The following PRKN variants were observed in gnomAD, a reference collection of about 807,000 sequenced individuals.
PRKN encodes parkin RBR E3 ubiquitin protein ligase, also known as E3 ubiquitin-protein ligase parkin.
Under a neutral mutation model 59.5 loss-of-function variants are expected in PRKN, and 56 were observed. The observed-to-expected ratio is 0.94, with a 90% CI of 0.76 to 1.18. The LOEUF (loss-of-function observed/expected upper bound fraction) is 1.18, where lower values mean the gene tolerates loss of function less well. Among genes scored for constraint, PRKN ranks in the 50% most tolerant of loss-of-function variants. The probability of loss-of-function intolerance (pLI) is 0.00; values close to 1 mark genes in which losing one functional copy is unlikely to be tolerated. For missense variants in PRKN, 657 were observed against 596.4 expected, an observed-to-expected ratio of 1.10 and a Z score of -1.06; for synonymous variants, 250 against 222.1, an observed-to-expected ratio of 1.13 and a Z score of -1.12.
At chr6:162,432,707 T>TA (rs1789596852) in intron 2 of PRKN, among the ~76,000 whole-genome samples, 1 of 152,208 alleles carries the variant, frequency 6.6e-6, no homozygotes, top group South Asian at 2.1e-4. Context: ...GGCAAAAATA[T>TA]AACTATTTAA....
intron 2 of PRKN, among the ~76,000 whole-genome samples, chr6:162,423,473 T>C (rs145958602): frequency 6.6e-6 from 1 of 152,310 alleles, no homozygotes; most frequent in Non-Finnish European, 1.5e-5. Flanking sequence ...AGGTGCTATA[T>C]AACTCAGGGA....
intron 4 of PRKN, among the ~76,000 whole-genome samples, chr6:162,121,036 C>T (rs1304613028): frequency 6.6e-6 from 1 of 152,172 alleles, no homozygotes; most frequent in Non-Finnish European, 1.5e-5. Context: ...ACCTTTTGAT[C>T]AGGCAAATTA....
chr6:161,914,917 C>T (rs534444209), intron 6 of PRKN, among the ~76,000 whole-genome samples: 2 of 152,204 alleles, frequency 1.3e-5, no homozygotes, highest in Admixed American at 1.3e-4. Context: ...CTAGGCATTC[C>T]TAGACAGCCC....
chr6:161,648,638 C>A (rs893138507), intron 7 of PRKN, among the ~76,000 whole-genome samples: 5 of 152,222 alleles, frequency 3.3e-5, no homozygotes, highest in African/African-American at 9.6e-5. Flanking sequence ...AGGTGTAGTT[C>A]ATTCTCTGGA....
intron 2 of PRKN, among the ~76,000 whole-genome samples, chr6:162,429,899 C>T (rs572307715): frequency 1.9e-4 from 29 of 152,296 alleles, no homozygotes; most frequent in African/African-American, 6.7e-4. Flanking sequence ...TCATCCTCTT[C>T]CCGGTATCAC....
intron 2 of PRKN, among the ~76,000 whole-genome samples, chr6:162,311,455 T>C (rs564399235): frequency 1.8e-4 from 28 of 151,976 alleles, no homozygotes; most frequent in Admixed American, 1.6e-3. Context: ...TAATCTCAAC[T>C]TGTTTAAGTA....
At chr6:162,695,410 C>T (rs941965108) in intron 1 of PRKN, among the ~76,000 whole-genome samples, 1 of 151,966 alleles carries the variant, frequency 6.6e-6, no homozygotes, top group African/African-American at 2.4e-5. Context: ...ATTTAATATC[C>T]TATTATTCCT....
At position 161,397,656 on chromosome 6, in the gene PRKN, G is replaced by C. The variant is rs1562419945; in HGVS notation, c.1084-10779C>G. On this transcript the variant is annotated intron_variant, in intron 9 of 11. Transcript: ENST00000366898. This position sits in a 1 kb window ranked among gnomAD's most constrained non-coding sequence, Gnocchi z 4.2. ...CACGTGATTATCATGAAGTTGCAAG[G>C]ACCTAACAGAATAATGGCAATCATC... Among the ~76,000 whole-genome samples the C allele has an allele frequency of 2.0e-5, 3 of 152,104 alleles. No individual in the cohort carries two copies. The highest frequency in any genetic ancestry group is 6.5e-5 in the Admixed American group (1 of 15,274).
chr6:161,540,070 C>CTGGTGGGGGGCCG (rs758759992), intron 9 of PRKN, among the ~76,000 whole-genome samples: 255 of 152,278 alleles, frequency 1.7e-3, no homozygotes, highest in Middle Eastern at 3.4e-3. Context: ...AGCTGCCTGT[C>CTGGTGGGGGGCCG]TGGTGGGGGG....
chr6:162,583,368 C>T (rs1780864503), intron 1 of PRKN, among the ~76,000 whole-genome samples: 1 of 152,200 alleles, frequency 6.6e-6, no homozygotes, highest in Admixed American at 6.5e-5. Context: ...AAGTGACCAG[C>T]TAGGACAGAA....
chr6:162,554,753 C>T (rs1779488625), intron 1 of PRKN, among the ~76,000 whole-genome samples: 1 of 152,044 alleles, frequency 6.6e-6, no homozygotes, highest in Non-Finnish European at 1.5e-5. Context: ...CGGAGCCAGG[C>T]GTACATTGGG....
intron 5 of PRKN, among the ~76,000 whole-genome samples, chr6:162,024,683 C>A (rs117021541): frequency 0.053 from 8,114 of 152,242 alleles, 288 homozygotes; most frequent in Non-Finnish European, 0.08. Flanking sequence ...TTTTTAGACT[C>A]AGGAACTTCT....
chr6:161,556,036 A>G (rs1238320905), intron 8 of PRKN, among the ~76,000 whole-genome samples: 3 of 152,226 alleles, frequency 2.0e-5, no homozygotes, highest in Non-Finnish European at 4.4e-5. Context: ...CTATGACAAT[A>G]GCTTTTATCT....
chr6:162,344,020 G>A (rs933069304), intron 2 of PRKN, among the ~76,000 whole-genome samples: 5 of 152,120 alleles, frequency 3.3e-5, no homozygotes, highest in African/African-American at 9.7e-5. Flanking sequence ...AGAGCTATGC[G>A]GAAAAGAATT....
intron 1 of PRKN, among the ~76,000 whole-genome samples, chr6:162,583,826 T>C (rs1306057766): frequency 6.6e-6 from 1 of 152,064 alleles, no homozygotes; most frequent in African/African-American, 2.4e-5. Context: ...AGAAAAGCCA[T>C]ACAAAAATAT....
chr6:162,125,838 A>G (rs1781102542), intron 4 of PRKN, among the ~76,000 whole-genome samples: 1 of 152,172 alleles, frequency 6.6e-6, no homozygotes, highest in African/African-American at 2.4e-5. Flanking sequence ...GATGGCTAAG[A>G]CATGTCTTGT....
chr6:161,770,504 G>A (rs903403359), intron 7 of PRKN, among the ~76,000 whole-genome samples: 5 of 151,804 alleles, frequency 3.3e-5, no homozygotes, highest in African/African-American at 9.7e-5. Flanking sequence ...GTTTCATTCT[G>A]TCACCCAGGC....
intron 2 of PRKN, among the ~76,000 whole-genome samples, chr6:162,359,264 T>C (rs1441578741): frequency 6.6e-6 from 1 of 151,748 alleles, no homozygotes; most frequent in African/African-American, 2.4e-5. Flanking sequence ...AATTAACTTA[T>C]CTAGATTTGG....
intron 2 of PRKN, among the ~76,000 whole-genome samples, chr6:162,396,373 G>A (rs922080794): frequency 1.3e-5 from 2 of 152,084 alleles, no homozygotes; most frequent in South Asian, 2.1e-4. Flanking sequence ...ATAGAATATC[G>A]AGCCAGCTAG....
Sources: gnomAD v4.1 joint callset for allele counts (sites outside exome capture counted in the v4.1 genomes callset) on GRCh38, gnomAD v4.1.1 for gene constraint, Gnocchi (gnomAD v3.1) non-coding constraint, MANE v1.5 for transcripts, NCBI Gene and HGNC (gene_info 2026-07-23, HGNC 2026-07-21) for gene names.